Variants in UBE2D2 observed in about 807,000 individuals in gnomAD.
UBE2D2 encodes the protein ubiquitin-conjugating enzyme E2 D2.
Under a neutral mutation model 24.2 loss-of-function variants are expected in UBE2D2, and 2 were observed. The observed-to-expected ratio is 0.08, with a 90% CI of 0.03 to 0.26. The LOEUF (loss-of-function observed/expected upper bound fraction) is 0.26. Ranked by LOEUF, UBE2D2 falls within the 10% of genes least tolerant of loss-of-function variation. The pLI is 1.00. For missense variants in UBE2D2, 44 were observed against 177.6 expected (o/e 0.25, Z 4.28); for synonymous variants, 58 against 56.5 (o/e 1.03, Z -0.12).
chr5:139,546,708 A>C lies in UBE2D2; in HGVS notation c.-64+20096A>C, dbSNP rs906778850. Among the ~76,000 whole-genome samples the C allele has an allele frequency of 5.1e-4, 74 of 145,094 alleles. 1 individual carries two copies. Among genetic ancestry groups the C allele is most frequent in the Admixed American group, 9.7e-4 (14 of 14,380 alleles). On this transcript the variant is annotated intron_variant, in intron 1 of 6. Coordinates refer to the UBE2D2 transcript ENST00000511725. The stretch of plus-strand genomic sequence containing the variant: ...ACCATGTTTGCCAGACTGGTCTCGA[A>C]ATCTTGACCTCAAGTGATCCACCTG...
intron 1 of UBE2D2, among the ~76,000 whole-genome samples, chr5:139,543,835 A>G (rs1752788522): frequency 6.6e-6 from 1 of 152,226 alleles, no homozygotes; most frequent in South Asian, 2.1e-4. Context: ...GAGGGAAATC[A>G]GCAATCACAC....
At chr5:139,544,374 A>C (rs1260635449) in intron 1 of UBE2D2, among the ~76,000 whole-genome samples, 2 of 147,030 alleles carry the variant, frequency 1.4e-5, no homozygotes, top group African/African-American at 2.5e-5. Context: ...CGCAACCTCC[A>C]CCTCCCAGGT....
At chr5:139,552,334 T>G (rs1752930024) in intron 1 of UBE2D2, among the ~76,000 whole-genome samples, 1 of 151,780 alleles carries the variant, frequency 6.6e-6, no homozygotes, top group Non-Finnish European at 1.5e-5. Flanking sequence ...GGCTAACTTT[T>G]TTTTGGTATT....
intron 1 of UBE2D2, among the ~76,000 whole-genome samples, chr5:139,578,741 C>A (rs1428155926): frequency 1.3e-5 from 2 of 152,100 alleles, no homozygotes; most frequent in Non-Finnish European, 2.9e-5. Context: ...ACAGCCACCC[C>A]ACTCTGCTAA....
At chr5:139,580,005 C>T (rs1201065864) in intron 1 of UBE2D2, among the ~76,000 whole-genome samples, 2 of 150,892 alleles carry the variant, frequency 1.3e-5, no homozygotes, top group Non-Finnish European at 2.9e-5. Context: ...GAGATCATGC[C>T]GTTGCACACC....
At chr5:139,616,615 T>C (rs1015253270) in intron 5 of UBE2D2, among the ~76,000 whole-genome samples, 5 of 152,306 alleles carry the variant, frequency 3.3e-5, no homozygotes, top group Admixed American at 3.3e-4. Context: ...GACAAAACAC[T>C]AATGAGGTAC....
At chr5:139,597,606 T>A (rs1204131632) in intron 1 of UBE2D2, among the ~76,000 whole-genome samples, 1 of 152,196 alleles carries the variant, frequency 6.6e-6, no homozygotes, top group Non-Finnish European at 1.5e-5. Context: ...AAAGTAAAAT[T>A]CCACTTAATG....
At chr5:139,542,215 C>T (rs961607460) in intron 1 of UBE2D2, among the ~76,000 whole-genome samples, 4 of 151,996 alleles carry the variant, frequency 2.6e-5, no homozygotes, top group East Asian at 1.9e-4. Context: ...TGTGAATTCA[C>T]GAGTACCATT....
At position 139,545,676 on chromosome 5, in the gene UBE2D2, G is replaced by A. The variant is rs577090935; in HGVS notation, c.-64+19064G>A. 3.0e-4 allele frequency among the ~76,000 whole-genome samples: 44 copies of A among 145,834 alleles called. No individual in the cohort carries two copies. In the South Asian group the frequency reaches 8.4e-3, roughly 28 times the overall value. On this transcript the variant is annotated intron_variant, in intron 1 of 6. Coordinates refer to the UBE2D2 transcript ENST00000511725. ...CCTGACCTCCTGATCCACTCGCCTC[G>A]ACCTCCCAAAGGTCTGGGATTACTG...
chr5:139,623,566 A>G (rs1050672443), intron 6 of UBE2D2, 105 bp downstream of exon 6: 26 of 830,884 alleles, frequency 3.1e-5, no homozygotes, highest in Non-Finnish European at 5.1e-5. Flanking sequence ...TTTAAAGTGA[A>G]GTCCTAATAT....
chr5:139,600,330 C>G (rs1023995732), intron 1 of UBE2D2, 42 bp from the exon 2 acceptor site: 12 of 1,595,422 alleles, frequency 7.5e-6, no homozygotes, highest in African/African-American at 1.3e-5. Flanking sequence ...ATAAAAGGTA[C>G]ATTTATGTTG....
intron 1 of UBE2D2, among the ~76,000 whole-genome samples, chr5:139,597,424 A>G (rs543157282): frequency 6.6e-6 from 1 of 152,220 alleles, no homozygotes; most frequent in Non-Finnish European, 1.5e-5. Context: ...TTAAATGTCT[A>G]TTAGCCTAAG....
chr5:139,553,085 C>T (rs574214713), intron 1 of UBE2D2, among the ~76,000 whole-genome samples: 13 of 152,246 alleles, frequency 8.5e-5, no homozygotes, highest in African/African-American at 2.9e-4. Flanking sequence ...TTCTGAAGTG[C>T]TGGGATTACA....
chr5:139,567,959 A>G (rs893817770), intron 1 of UBE2D2, among the ~76,000 whole-genome samples: 1 of 152,234 alleles, frequency 6.6e-6, no homozygotes, highest in Non-Finnish European at 1.5e-5. Flanking sequence ...GTAGACTGAC[A>G]ATACACTTTG....
intron 1 of UBE2D2, among the ~76,000 whole-genome samples, chr5:139,527,018 A>T (rs1752549028): frequency 6.6e-6 from 1 of 152,146 alleles, no homozygotes; most frequent in South Asian, 2.1e-4. Flanking sequence ...AGAAAAAAAT[A>T]TGGGTCAGGC....
chr5:139,572,292 T>G (rs1485539676), intron 1 of UBE2D2, among the ~76,000 whole-genome samples: 6 of 152,188 alleles, frequency 3.9e-5, no homozygotes, highest in Non-Finnish European at 2.9e-5. Context: ...AAATCATGCA[T>G]ACTTGTATTA....
intron 1 of UBE2D2, among the ~76,000 whole-genome samples, chr5:139,575,652 C>G (rs1753454100): frequency 6.6e-6 from 1 of 152,146 alleles, no homozygotes; most frequent in Non-Finnish European, 1.5e-5. Context: ...TGAGCACTAA[C>G]CCCACCACCT....
intron 1 of UBE2D2, among the ~76,000 whole-genome samples, chr5:139,590,957 G>A (rs1753834459): frequency 6.6e-6 from 1 of 151,442 alleles, no homozygotes; most frequent in South Asian, 2.1e-4. Flanking sequence ...ACCATGCCCA[G>A]CTAATTATGC....
intron 1 of UBE2D2, among the ~76,000 whole-genome samples, chr5:139,580,944 G>A (rs1224098394): frequency 1.3e-5 from 2 of 152,054 alleles, no homozygotes; most frequent in South Asian, 2.1e-4. Context: ...CAGACAAATA[G>A]GAACTGTATA....
Sources: gnomAD v4.1 joint callset for allele counts (sites outside exome capture counted in the v4.1 genomes callset) on GRCh38, gnomAD v4.1.1 for gene constraint, MANE v1.5 for transcripts, NCBI Gene and HGNC (gene_info 2026-07-23, HGNC 2026-07-21) for gene names.